Variants in BRD10 observed in about 807,000 individuals in gnomAD.
BRD10 encodes uncharacterized bromodomain-containing protein 10.
At chr9:5,983,456 G>T in the BRD10 span, among the ~76,000 whole-genome samples, 1 of 151,126 alleles carries the variant, frequency 6.6e-6, no homozygotes, top group Admixed American at 6.6e-5. Context: ...AGAAGCAAAA[G>T]AATATAACTA....
the BRD10 span, among the ~76,000 whole-genome samples, chr9:5,945,441 TA>T: frequency 7.2e-5 from 11 of 152,206 alleles, no homozygotes; most frequent in African/African-American, 2.6e-4. Flanking sequence ...TTGGGGTTGC[TA>T]AAAGGACTGC....
chr9:5,900,740 T>C, the BRD10 span, among the ~76,000 whole-genome samples: 5 of 152,236 alleles, frequency 3.3e-5, no homozygotes, highest in African/African-American at 4.8e-5. Context: ...AAACATCTTT[T>C]GAAAGGAAAG....
chr9:5,974,547 G>A, the BRD10 span, among the ~76,000 whole-genome samples: 1 of 152,172 alleles, frequency 6.6e-6, no homozygotes, highest in African/African-American at 2.4e-5. Context: ...TCCAGATCAT[G>A]ATGCAGACAG....
At chr9:5,991,593 C>T in the BRD10 span, among the ~76,000 whole-genome samples, 23 of 151,854 alleles carry the variant, frequency 1.5e-4, no homozygotes, top group Admixed American at 1.1e-3. Context: ...CCTGATGGCA[C>T]GTGCACCTGT....
the BRD10 span, chr9:5,920,805 C>T: frequency 6.2e-7 from 1 of 1,614,004 alleles, no homozygotes. Flanking sequence ...TTAGGAGACA[C>T]TACTGGTTGT....
chr9:5,994,744 T>C, the BRD10 span, among the ~76,000 whole-genome samples: 5 of 152,124 alleles, frequency 3.3e-5, no homozygotes, highest in Admixed American at 6.6e-5. Context: ...ACTCCTATAC[T>C]TCTCCTACTG....
the BRD10 span, chr9:5,892,320 C>G: frequency 1.2e-5 from 6 of 510,764 alleles, no homozygotes; most frequent in Non-Finnish European, 1.6e-5. Context: ...AATCCCCTCA[C>G]AGAGAGAAAC....
chr9:5,971,771 T>C, the BRD10 span, among the ~76,000 whole-genome samples: 4 of 152,102 alleles, frequency 2.6e-5, no homozygotes, highest in Non-Finnish European at 5.9e-5. Flanking sequence ...CAGGTAGAAT[T>C]TGGCTTCCTC....
At chr9:5,991,820 T>C in the BRD10 span, among the ~76,000 whole-genome samples, 1 of 151,916 alleles carries the variant, frequency 6.6e-6, no homozygotes, top group South Asian at 2.1e-4. Context: ...GTTCTTATGA[T>C]CTCCAAGACC....
the BRD10 span, among the ~76,000 whole-genome samples, chr9:6,002,439 TAAAA>T: frequency 6.8e-6 from 1 of 146,882 alleles, no homozygotes; most frequent in Admixed American, 6.8e-5. Context: ...AAGATTTATA[TAAAA>T]AAAAAAGCAT....
chr9:5,920,132 G>A, the BRD10 span: 4 of 1,613,940 alleles, frequency 2.5e-6, no homozygotes, highest in Non-Finnish European at 3.4e-6. Flanking sequence ...ATGTTGTAGA[G>A]GTTGGCCACT....
chr9:5,927,659 C>T, the BRD10 span, among the ~76,000 whole-genome samples: 1 of 152,092 alleles, frequency 6.6e-6, no homozygotes, highest in Non-Finnish European at 1.5e-5. Flanking sequence ...TTCTCATTTC[C>T]TCAACCCATC....
chr9:5,959,355 T>G, the BRD10 span, among the ~76,000 whole-genome samples: 2 of 152,200 alleles, frequency 1.3e-5, no homozygotes, highest in African/African-American at 4.8e-5. Context: ...CTGTGTGACT[T>G]TGGACAAATA....
the BRD10 span, chr9:6,008,294 G>A: frequency 1.0e-6 from 1 of 984,772 alleles, no homozygotes; most frequent in South Asian, 4.7e-5. Flanking sequence ...CGGGGGACAC[G>A]GGCAGAAGGA....
the BRD10 span, among the ~76,000 whole-genome samples, chr9:5,984,288 A>G: frequency 6.6e-6 from 1 of 152,166 alleles, no homozygotes; most frequent in Non-Finnish European, 1.5e-5. Context: ...TTGGGGGTTT[A>G]AAACACATGT....
At chr9:5,974,670 T>C in the BRD10 span, among the ~76,000 whole-genome samples, 1 of 152,090 alleles carries the variant, frequency 6.6e-6, no homozygotes, top group African/African-American at 2.4e-5. Context: ...ACAGTACCAA[T>C]GAGTAGAGAG....
At chr9:5,917,142 AT>A in the BRD10 span, among the ~76,000 whole-genome samples, 5 of 152,134 alleles carry the variant, frequency 3.3e-5, no homozygotes, top group Non-Finnish European at 7.4e-5. Flanking sequence ...AATGATGATG[AT>A]TGATAAGGTT....
the BRD10 span, among the ~76,000 whole-genome samples, chr9:5,960,969 A>T: frequency 6.6e-6 from 1 of 152,264 alleles, no homozygotes; most frequent in Non-Finnish European, 1.5e-5. Flanking sequence ...TGGTATGTAT[A>T]GTATAATCCT....
chr9:5,964,827 A>G, the BRD10 span, among the ~76,000 whole-genome samples: 2 of 113,770 alleles, frequency 1.8e-5, no homozygotes, highest in East Asian at 2.6e-4. Context: ...AACACCGCAT[A>G]TTCTCACTCA....
Sources: gnomAD v4.1 joint callset for allele counts (sites outside exome capture counted in the v4.1 genomes callset) on GRCh38, gnomAD v4.1.1 for gene constraint, MANE v1.5 for transcripts, NCBI Gene and HGNC (gene_info 2026-07-23, HGNC 2026-07-21) for gene names.